TMEM177: variants seen among roughly 807,000 people sequenced by gnomAD.
TMEM177 encodes transmembrane protein 177.
In TMEM177, 4 loss-of-function variants were observed where a neutral mutation model predicts 14.2. The observed-to-expected ratio is 0.28, with a 90% CI of 0.14 to 0.64. The LOEUF (loss-of-function observed/expected upper bound fraction) is 0.64. Among genes scored for constraint, TMEM177 ranks in the 30% least tolerant of loss-of-function variants. The pLI is 0.82. For synonymous variants in TMEM177, 179 were observed against 174.5 expected (o/e 1.03, Z -0.20); for missense variants, 344 against 405.2 (o/e 0.85, Z 1.30).
chr2:119,706,019 A>ATATATTATATATTGTATATT, the TMEM177 span, among the ~76,000 whole-genome samples: 1 of 136,236 alleles, frequency 7.3e-6, no homozygotes, highest in Non-Finnish European at 1.5e-5. Flanking sequence ...TATTATATAT[A>ATATATTATATATTGTATATT]TTTATATATA....
chr2:119,684,871 C>G (rs746442103), downstream of TMEM177, among the ~76,000 whole-genome samples: 2 of 152,066 alleles, frequency 1.3e-5, no homozygotes, highest in African/African-American at 2.4e-5. Flanking sequence ...TATAATATTG[C>G]GTCCCTACAC....
chr2:119,692,893 A>G, the TMEM177 span, among the ~76,000 whole-genome samples: 140 of 148,246 alleles, frequency 9.4e-4, no homozygotes, highest in African/African-American at 3.4e-3. Context: ...AATCGCTTGA[A>G]CCCGGGAGGC....
In TMEM177 at chr2:119,681,183, C is replaced by T; in HGVS notation, c.330C>T (p.Phe110=). Residue 110 remains phenylalanine, a synonymous_variant, in exon 2 of 2, where the codon TTC becomes TTT. Transcript: ENST00000272521. ...AGAVVGIPAS[F]LGDLVINTNH... is the part of the protein sequence containing the mutation. ...CTGTGGTGGGCATCCCTGCCAGTTT[C>T]TTGGGAGACCTAGTGATCAACACTA... 1 of 1,614,252 alleles carries T rather than the reference C, an allele frequency of 6.2e-7. No individual in the cohort carries two copies. Among genetic ancestry groups the T allele is most frequent in the South Asian group, 1.1e-5 (1 of 91,092 alleles).
At position 119,681,509 on chromosome 2, in the gene TMEM177, C is replaced by G. The variant is rs889541849; in HGVS notation, c.656C>G (p.Ser219Cys). The change falls in exon 2 of 2, where the codon TCC becomes TGC. Residue 219 changes from serine (S) to cysteine (C), a missense_variant. By Grantham distance (112) the Ser-to-Cys change is moderately radical. Transcript: ENST00000272521. ...AVAGFVAYAF[S>C]QDSLTHAVES... ...GCAGGCTTTGTGGCCTACGCCTTCT[C>G]CCAGGATTCTCTCACTCATGCCGTG... 6.2e-7 allele frequency: 1 copy of G among 1,613,804 alleles called. No individual in the cohort carries two copies. The highest frequency in any genetic ancestry group is 2.2e-5 in the East Asian group (1 of 44,882).
the TMEM177 span, among the ~76,000 whole-genome samples, chr2:119,721,955 G>T: frequency 6.6e-6 from 1 of 152,192 alleles, no homozygotes; most frequent in Non-Finnish European, 1.5e-5. Context: ...AAGCACAGGG[G>T]ATTATTGTGA....
chr2:119,716,984 T>C, the TMEM177 span, among the ~76,000 whole-genome samples: 2 of 152,252 alleles, frequency 1.3e-5, no homozygotes, highest in African/African-American at 4.8e-5. Flanking sequence ...CATGTTTACT[T>C]CTTCCTTCAC....
At chr2:119,703,399 G>A in the TMEM177 span, among the ~76,000 whole-genome samples, 1 of 152,126 alleles carries the variant, frequency 6.6e-6, no homozygotes, top group South Asian at 2.1e-4. Flanking sequence ...CATGTAAAAT[G>A]GCAGATGTTG....
chr2:119,710,600 C>A, the TMEM177 span, among the ~76,000 whole-genome samples: 888 of 152,050 alleles, frequency 5.8e-3, 7 homozygotes, highest in African/African-American at 0.02. Flanking sequence ...ACTTGGACAC[C>A]TGCCATCTTT....
At chr2:119,695,625 A>G in the TMEM177 span, among the ~76,000 whole-genome samples, 1 of 152,204 alleles carries the variant, frequency 6.6e-6, no homozygotes, top group African/African-American at 2.4e-5. Flanking sequence ...ACCCAAAAGC[A>G]TTTTGTGAGC....
At chr2:119,712,525 G>A in the TMEM177 span, among the ~76,000 whole-genome samples, 4 of 152,074 alleles carry the variant, frequency 2.6e-5, no homozygotes, top group Non-Finnish European at 5.9e-5. Flanking sequence ...GGATGCATGG[G>A]CTCAGAGAAA....
At chr2:119,684,598 G>A (rs1311947355), downstream of TMEM177, among the ~76,000 whole-genome samples, 1 of 152,204 alleles carries the variant, frequency 6.6e-6, no homozygotes, top group Non-Finnish European at 1.5e-5. Flanking sequence ...AGGGCTCTAA[G>A]CTATAACAGA....
chr2:119,686,782 G>A (rs1188253969), downstream of TMEM177, among the ~76,000 whole-genome samples: 2 of 147,142 alleles, frequency 1.4e-5, no homozygotes, highest in African/African-American at 5.0e-5. Flanking sequence ...TACCCAGGCT[G>A]GTCTTGAACT....
chr2:119,723,329 A>G, the TMEM177 span, among the ~76,000 whole-genome samples: 2 of 152,208 alleles, frequency 1.3e-5, no homozygotes, highest in Non-Finnish European at 2.9e-5. Context: ...CCTGAAAGAC[A>G]TCCAAGGAAA....
chr2:119,706,021 T>TATATATTTTTA, the TMEM177 span, among the ~76,000 whole-genome samples: 13 of 71,984 alleles, frequency 1.8e-4, no homozygotes, highest in Non-Finnish European at 3.2e-4. Flanking sequence ...TTATATATAT[T>TATATATTTTTA]TATATATATA....
chr2:119,697,996 T>C, the TMEM177 span, among the ~76,000 whole-genome samples: 2 of 151,958 alleles, frequency 1.3e-5, no homozygotes, highest in Non-Finnish European at 2.9e-5. Flanking sequence ...TTAGGGGAAA[T>C]GAATGAGCCT....
the TMEM177 span, among the ~76,000 whole-genome samples, chr2:119,692,102 T>C: frequency 2.4e-4 from 37 of 152,328 alleles, no homozygotes; most frequent in African/African-American, 7.9e-4. Context: ...GACCCTTCAC[T>C]TCCTCTACCT....
At chr2:119,682,599 C>T (rs1277837345), downstream of TMEM177, among the ~76,000 whole-genome samples, 1 of 152,050 alleles carries the variant, frequency 6.6e-6, no homozygotes, top group Non-Finnish European at 1.5e-5. Flanking sequence ...AGTCCCTGGA[C>T]CTGAGGGGAG....
chr2:119,714,029 G>C, the TMEM177 span, among the ~76,000 whole-genome samples: 1 of 152,230 alleles, frequency 6.6e-6, no homozygotes, highest in Non-Finnish European at 1.5e-5. Context: ...AGTGGCACGA[G>C]ACCAGGGATG....
At chr2:119,700,014 C>G in the TMEM177 span, 1 of 318,454 alleles carries the variant, frequency 3.1e-6, no homozygotes. Context: ...GTTGATTAAC[C>G]CACACATGAG....
Sources: gnomAD v4.1 joint callset for allele counts (sites outside exome capture counted in the v4.1 genomes callset) on GRCh38, gnomAD v4.1.1 for gene constraint, MANE v1.5 for transcripts, NCBI Gene and HGNC (gene_info 2026-07-23, HGNC 2026-07-21) for gene names.